Variants in GATAD2A observed in about 807,000 individuals in gnomAD.
GATAD2A encodes transcriptional repressor p66-alpha.
GATAD2A carries 12 observed loss-of-function variants against 68.5 expected under a neutral mutation model. That is an observed-to-expected ratio of 0.18 (90% confidence interval 0.11 to 0.28). The LOEUF is 0.28. GATAD2A is among the 10% of genes least tolerant of loss of function. GATAD2A has a pLI of 1.00. For synonymous variants in GATAD2A, 410 were observed against 375.3 expected, an observed-to-expected ratio of 1.09 and a Z score of -1.07; for missense variants, 755 against 868.5, an observed-to-expected ratio of 0.87 and a Z score of 1.64.
chr19:19,501,410 G>A lies in GATAD2A; in HGVS notation c.1497G>A (p.Leu499=). 6.3e-7 allele frequency: 1 copy of A among 1,592,398 alleles called. No homozygotes were observed. ...CCACCGCTGCCCCACACCCCGTGCTGAAGCAGGTGAGCCTGGCCTGCTGCC... is the reference window on the plus strand; with the variant it reads ...CCACCGCTGCCCCACACCCCGTGCTAAAGCAGGTGAGCCTGGCCTGCTGCC... The part of the protein sequence containing the change: ...AEPTAAPHPV[L]KQVIKPRRKL... Residue 499 remains leucine (L), a synonymous_variant, in exon 9 of 12, where the codon CTG becomes CTA. Transcript: ENST00000683918.
chr19:19,497,741 G>C (rs1407268256), intron 7 of GATAD2A, among the ~76,000 whole-genome samples: 2 of 152,140 alleles, frequency 1.3e-5, no homozygotes, highest in Non-Finnish European at 2.9e-5. Flanking sequence ...TTTCCAGAGG[G>C]GTCCTCAGCC....
rs375378804 is a variant in GATAD2A, at chr19:19,501,444, C to A, written c.1503+28C>A. 3.9e-6 allele frequency: 6 copies of A among 1,543,390 alleles called. No individual in the cohort carries two copies. In the Admixed American group the frequency reaches 7.7e-5, roughly 20 times the overall value. ...GAGCCTGGCCTGCTGCCGGCAGTGC[C>A]GTCCCTAGGAGGCAGAGGCCGTTCC... On this transcript the variant is annotated intron_variant, in intron 9 of 11. Coordinates refer to ENST00000683918, the MANE Select transcript of GATAD2A (RefSeq NM_001384528.1).
chr19:19,432,814 A>G (rs745443385), intron 1 of GATAD2A, among the ~76,000 whole-genome samples: 1 of 152,174 alleles, frequency 6.6e-6, no homozygotes, highest in Non-Finnish European at 1.5e-5. Flanking sequence ...GTCTGCAGGC[A>G]GTGTGTGGGC....
Position 19,508,660 on chromosome 19 carries a change from TAA to T in GATAD2A, c.*3191_*3192del, listed in dbSNP as rs2060969101. 6.6e-6 allele frequency: 1 copy of T among 152,218 alleles called. No homozygotes were observed. The highest frequency in any genetic ancestry group is 2.1e-4 in the South Asian group (1 of 4,834). 9.4% of individuals were successfully genotyped at this position (152,218 alleles called of 1,614,324 possible). A position where few individuals can be genotyped will look rare whatever the true frequency, so the allele number is the denominator to read the frequency against. ...ACCTAAAGAACTTGGACTGAGCTTT[TAA>T]AAAAGGACAGCAAACAATTTTATAA... On this transcript the variant is annotated 3_prime_UTR_variant, in exon 12 of 12. Coordinates refer to ENST00000683918, the MANE Select transcript of GATAD2A (RefSeq NM_001384528.1).
Position 19,465,541 on chromosome 19 carries a change from GCCA to G in GATAD2A, c.198_200del (p.Thr67del), listed in dbSNP as rs1047086328. 6 of 1,612,968 alleles carry G rather than the reference GCCA, an allele frequency of 3.7e-6. No homozygotes were observed. The highest frequency in any genetic ancestry group is 5.1e-6 in the Non-Finnish European group (6 of 1,178,944). ...CCAAGGATTGCTGAGGGCAACAGAGGCCACGGCCATGGCCATGGGCAGAGGCGA... is the reference window on the plus strand; with the variant it reads ...CCAAGGATTGCTGAGGGCAACAGAGGCGGCCATGGCCATGGGCAGAGGCGA... On this transcript the variant is annotated inframe_deletion, in exon 2 of 12. Coordinates refer to ENST00000683918, the MANE Select transcript of GATAD2A (RefSeq NM_001384528.1).
intron 2 of GATAD2A, among the ~76,000 whole-genome samples, chr19:19,478,088 T>C (rs908358106): frequency 1.1e-4 from 17 of 152,180 alleles, no homozygotes; most frequent in Non-Finnish European, 2.9e-5. Context: ...TACCTCTCAC[T>C]TTTCAAAATA....
At chr19:19,423,653 A>G (rs2052706580) in intron 1 of GATAD2A, among the ~76,000 whole-genome samples, 1 of 152,272 alleles carries the variant, frequency 6.6e-6, no homozygotes, top group Admixed American at 6.5e-5. Context: ...GCTGATGGTC[A>G]GAGAAATTGA....
At chr19:19,425,869 A>C (rs1310366450) in intron 1 of GATAD2A, among the ~76,000 whole-genome samples, 1 of 151,060 alleles carries the variant, frequency 6.6e-6, no homozygotes, top group African/African-American at 2.4e-5. Flanking sequence ...TGCTCACTGC[A>C]TCCTCCACCT....
intron 1 of GATAD2A, among the ~76,000 whole-genome samples, chr19:19,397,008 T>C (rs536516139): frequency 8.5e-5 from 13 of 152,088 alleles, no homozygotes; most frequent in Non-Finnish European, 1.8e-4. Flanking sequence ...TCCCAGCCGT[T>C]AGGTTTCTTA....
At chr19:19,439,227 G>A (rs756327690) in intron 1 of GATAD2A, among the ~76,000 whole-genome samples, 3 of 152,230 alleles carry the variant, frequency 2.0e-5, no homozygotes, top group African/African-American at 4.8e-5. Context: ...TGGACTTGGT[G>A]TCTGCCCTTG....
intron 1 of GATAD2A, among the ~76,000 whole-genome samples, chr19:19,425,078 A>C (rs1170670974): frequency 2.6e-5 from 4 of 152,086 alleles, no homozygotes; most frequent in East Asian, 1.9e-4. Flanking sequence ...AAAAAAAAAA[A>C]AACCCAAACT....
intron 1 of GATAD2A, among the ~76,000 whole-genome samples, chr19:19,454,291 C>A (rs572449099): frequency 4.7e-5 from 7 of 150,478 alleles, no homozygotes; most frequent in African/African-American, 1.7e-4. Context: ...CCACCACACC[C>A]GGCTTAAAAA....
chr19:19,431,247 A>G (rs1451173238), intron 1 of GATAD2A, among the ~76,000 whole-genome samples: 1 of 150,994 alleles, frequency 6.6e-6, no homozygotes, highest in African/African-American at 2.4e-5. Context: ...TTTTCAAGAA[A>G]TGCTGCTAGT....
At chr19:19,395,978 G>A (rs2049211054) in intron 1 of GATAD2A, among the ~76,000 whole-genome samples, 1 of 152,170 alleles carries the variant, frequency 6.6e-6, no homozygotes, top group African/African-American at 2.4e-5. Context: ...TAAGCATACA[G>A]CAAGCGGCCA....
chr19:19,411,951 G>A (rs1357882936), intron 1 of GATAD2A, among the ~76,000 whole-genome samples: 1 of 152,088 alleles, frequency 6.6e-6, no homozygotes, highest in Non-Finnish European at 1.5e-5. Context: ...CTAAGAGTCA[G>A]GTCAAGGCCG....
chr19:19,505,891 G>T lies in GATAD2A; in HGVS notation c.*417G>T. 1 of 399,098 alleles carries T rather than the reference G, an allele frequency of 2.5e-6. No homozygotes were observed. The highest frequency in any genetic ancestry group is 1.3e-4 in the South Asian group (1 of 7,450). 24.7% of individuals were successfully genotyped at this position (399,098 alleles called of 1,614,324 possible). ...AGCGCCCGGGGCTTCTGAACCGAGC[G>T]GGGTGTTTCATTTTTTTGCTTTTCC... On this transcript the variant is annotated 3_prime_UTR_variant, in exon 12 of 12. Transcript: ENST00000683918.
At chr19:19,405,594 C>A (rs570454751), upstream of GATAD2A, among the ~76,000 whole-genome samples, 507 of 151,986 alleles carry the variant, frequency 3.3e-3, 4 homozygotes, top group African/African-American at 0.011. Context: ...CCCGCCCCCT[C>A]AACTCAGGGG....
rs537397195 is a variant in GATAD2A at position 19,450,760 on chromosome 19, A to C, written c.-6-14580A>C. 5.7e-3 allele frequency among the ~76,000 whole-genome samples: 866 copies of C among 150,786 alleles called. 6 individuals carry two copies. The highest frequency in any genetic ancestry group is 0.04 in the South Asian group (192 of 4,756). Reference sequence around the variant, plus strand: ...CATTACATTAAAAAAAAAAAAAAAAAAACTCTTTTTTTTTGTTTGTTTTGT... The same window carrying C: ...CATTACATTAAAAAAAAAAAAAAAACAACTCTTTTTTTTTGTTTGTTTTGT... On this transcript the variant is annotated intron_variant, in intron 1 of 11. Transcript: ENST00000683918.
intron 1 of GATAD2A, among the ~76,000 whole-genome samples, chr19:19,445,778 T>G (rs1408409005): frequency 6.6e-6 from 1 of 152,258 alleles, no homozygotes; most frequent in Non-Finnish European, 1.5e-5. Context: ...TAATATTCCA[T>G]TGTCTAGATG....
Sources: gnomAD v4.1 joint callset for allele counts (sites outside exome capture counted in the v4.1 genomes callset) on GRCh38, gnomAD v4.1.1 for gene constraint, MANE v1.5 for transcripts, NCBI Gene and HGNC (gene_info 2026-07-23, HGNC 2026-07-21) for gene names.